The following SS18L1 variants were observed in gnomAD, a reference collection of about 807,000 sequenced individuals.
SS18L1 encodes SS18L1 subunit of BAF chromatin remodeling complex.
SS18L1 carries 32 observed loss-of-function variants against 70.3 expected under a neutral mutation model. The ratio of observed to expected loss-of-function variants is 0.46; its 90% CI spans 0.34 to 0.61. The LOEUF (loss-of-function observed/expected upper bound fraction) is 0.61, where lower values mean the gene tolerates loss of function less well. Among genes scored for constraint, SS18L1 ranks in the 20% least tolerant of loss-of-function variants. The probability of loss-of-function intolerance (pLI) is 0.01; values close to 1 mark genes in which losing one functional copy is unlikely to be tolerated. For missense variants in SS18L1, 430 were observed against 542.1 expected (o/e 0.79, Z 2.05); for synonymous variants, 237 against 229.7 (o/e 1.03, Z -0.29).
rs760702666 is a variant in SS18L1 at position 62,159,198 on chromosome 20, C to G, written c.146+450C>G. Among the ~76,000 whole-genome samples the G allele has an allele frequency of 6.6e-6, 1 of 152,190 alleles. No individual in the cohort carries two copies. The highest frequency in any genetic ancestry group is 1.5e-5 in the Non-Finnish European group (1 of 68,034). Reference sequence around the variant, plus strand: ...AGCTCTGTGGCCAACAGCCAGCGCACCAGGAGACAGCACCTACTCCAGGTG... The same window carrying G: ...AGCTCTGTGGCCAACAGCCAGCGCAGCAGGAGACAGCACCTACTCCAGGTG... On this transcript the variant is annotated intron_variant, in intron 2 of 10. Transcript: ENST00000331758. The surrounding 1 kb of genome is among the most constrained non-coding windows in gnomAD (Gnocchi z 4.4).
rs1011265049 is a variant in SS18L1 at position 62,180,969 on chromosome 20, A to G, written c.*1761A>G. 5 of 180,922 alleles carry G rather than the reference A, an allele frequency of 2.8e-5. No individual in the cohort carries two copies. In the East Asian group the frequency reaches 3.6e-4, roughly 13 times the overall value. 11.2% of individuals were successfully genotyped at this position (180,922 alleles called of 1,614,324 possible). A position where few individuals can be genotyped will look rare whatever the true frequency, so the allele number is the denominator to read the frequency against. On this transcript the variant is annotated 3_prime_UTR_variant, in exon 11 of 11. Coordinates refer to ENST00000331758, the MANE Select transcript of SS18L1 (RefSeq NM_198935.3). The stretch of plus-strand genomic sequence containing the variant: ...TCCAGAGTCGGGTGCTTTAGAATTT[A>G]TAAGTCACTTATGTGTTTTGCTTGA...
Position 62,158,140 on chromosome 20 carries a change from G to C in SS18L1, c.70-532G>C, listed in dbSNP as rs2057256634. The stretch of plus-strand genomic sequence containing the variant: ...GTGCCCACAGGGTCCTGACATCCTT[G>C]CCATCGGCTTGGCTGACCCTTGCTG... On this transcript the variant is annotated intron_variant, in intron 1 of 10. Transcript: ENST00000331758. The surrounding 1 kb of genome is among the most constrained non-coding windows in gnomAD (Gnocchi z 4.5). Among the ~76,000 whole-genome samples the C allele has an allele frequency of 6.6e-6, 1 of 152,142 alleles. No individual in the cohort carries two copies. Among genetic ancestry groups the C allele is most frequent in the South Asian group, 2.1e-4 (1 of 4,830 alleles).
chr20:62,151,839 C>T (rs112507891), intron 1 of SS18L1, among the ~76,000 whole-genome samples: 12 of 147,606 alleles, frequency 8.1e-5, no homozygotes, highest in East Asian at 6.1e-4. Flanking sequence ...TAGCTGGCCT[C>T]CCCCGTTCCC....
At chr20:62,153,304 T>A (rs772937878) in intron 1 of SS18L1, among the ~76,000 whole-genome samples, 3 of 152,084 alleles carry the variant, frequency 2.0e-5, no homozygotes, top group Non-Finnish European at 4.4e-5. Context: ...CAATTGAAGA[T>A]GAGATTTGGG....
rs189824913 is a variant in SS18L1 at position 62,168,644 on chromosome 20, C to A, written c.916+3130C>A. Among the ~76,000 whole-genome samples, 101 of 118,196 alleles carry A rather than the reference C, an allele frequency of 8.5e-4. 2 individuals carry two copies. The highest frequency in any genetic ancestry group is 1.5e-3 in the Non-Finnish European group (86 of 56,220). 77.5% of individuals were successfully genotyped at this position (118,196 alleles called of 152,430 possible). A position where few individuals can be genotyped will look rare whatever the true frequency, so the allele number is the denominator to read the frequency against. ...GACCAGCCTAGGCAACATAGTAAGA[C>A]CCCCTCTCTACTAAAAAACATTAGC... is the stretch of plus-strand genomic sequence containing the variant. On this transcript the variant is annotated intron_variant, in intron 8 of 10. Transcript: ENST00000331758.
At chr20:62,157,098 C>T (rs945070046) in intron 1 of SS18L1, among the ~76,000 whole-genome samples, 2 of 152,158 alleles carry the variant, frequency 1.3e-5, no homozygotes, top group African/African-American at 4.8e-5. Flanking sequence ...AGTGCTGCCC[C>T]CAGGTGGACA....
chr20:62,172,779 C>T lies in SS18L1; in HGVS notation c.1014C>T (p.Tyr338=). The part of the protein sequence containing the change: ...SQQQYPSQQS[Y]PGQQQGYGSA... ...AGCAGTACCCCAGCCAGCAGAGCTA[C>T]CCCGGGCAGCAGCAGGGCTACGGTA... The change falls in exon 9 of 11, where the codon TAC becomes TAT. Residue 338 remains tyrosine, a synonymous_variant. Coordinates refer to ENST00000331758, the MANE Select transcript of SS18L1 (RefSeq NM_198935.3). 1.2e-6 allele frequency: 2 copies of T among 1,613,936 alleles called. No individual in the cohort carries two copies. Among genetic ancestry groups the T allele is most frequent in the South Asian group, 1.1e-5 (1 of 91,082 alleles).
chr20:62,173,994 G>C (rs2057576164), intron 9 of SS18L1, among the ~76,000 whole-genome samples: 1 of 151,532 alleles, frequency 6.6e-6, no homozygotes, highest in Non-Finnish European at 1.5e-5. Context: ...AGCCTGGCTT[G>C]GGTGACAGAG....
At chr20:62,144,691 G>T (rs2056991645) in intron 1 of SS18L1, among the ~76,000 whole-genome samples, 1 of 152,250 alleles carries the variant, frequency 6.6e-6, no homozygotes, top group Admixed American at 6.5e-5. Flanking sequence ...GTGGGTTTGG[G>T]ACACCGTTAT....
chr20:62,179,730 G>GGGGGGGGGCCCCCC lies in SS18L1; in HGVS notation c.*522_*523insGGGGGGGGCCCCCC. 1 of 96,706 alleles carries GGGGGGGGGCCCCCC rather than the reference G, an allele frequency of 1.0e-5. No homozygotes were observed. Among genetic ancestry groups the GGGGGGGGGCCCCCC allele is most frequent in the Non-Finnish European group, 2.0e-5 (1 of 48,816 alleles). 6.0% of individuals were successfully genotyped at this position (96,706 alleles called of 1,614,324 possible). A position where few individuals can be genotyped will look rare whatever the true frequency, so the allele number is the denominator to read the frequency against. On this transcript the variant is annotated 3_prime_UTR_variant, in exon 11 of 11. Transcript: ENST00000331758. ...GTGCCTCGATGGGGTGGGTGGGAGG[G>GGGGGGGGGCCCCCC]CATCTTCTGTGCGTTGGGTCAGTTT...
At chr20:62,165,006 A>C (rs2057401389) in intron 7 of SS18L1, among the ~76,000 whole-genome samples, 1 of 152,224 alleles carries the variant, frequency 6.6e-6, no homozygotes, top group African/African-American at 2.4e-5. Flanking sequence ...GTGCACAGAC[A>C]GGTGGGCAGG....
In SS18L1 at chr20:62,159,866, C is replaced by G. The variant is rs1003206950; in HGVS notation, c.147-11C>G. The G allele has an allele frequency of 1.2e-6, 2 of 1,611,664 alleles. No homozygotes were observed. The highest frequency in any genetic ancestry group is 1.7e-5 in the Admixed American group (1 of 59,922). Reference sequence around the variant, plus strand: ...CGTCGTCCTGCCTCATGCGTGCCCCCTCTCCTGCAGGTACCAGCAGATCCT... The same window carrying G: ...CGTCGTCCTGCCTCATGCGTGCCCCGTCTCCTGCAGGTACCAGCAGATCCT... On this transcript the variant is annotated splice_polypyrimidine_tract_variant and intron_variant, in intron 2 of 10. Transcript: ENST00000331758. This position sits in a 1 kb window ranked among gnomAD's most constrained non-coding sequence, Gnocchi z 4.4.
At chr20:62,172,592 TC>T in intron 8 of SS18L1, 89 bp from the exon 9 acceptor site, 1 of 1,593,414 alleles carries the variant, frequency 6.3e-7, no homozygotes, top group Non-Finnish European at 8.6e-7. Flanking sequence ...GTTTTGGGAT[TC>T]CAAAGTTACC....
Position 62,161,036 on chromosome 20 carries a change from G to C in SS18L1, c.232-400G>C, listed in dbSNP as rs548869527. ...GAAACAGGAGAGGGATCCCACCTCT[G>C]CCGAAGCTCTTGGCACGGAGGGGTC... is the stretch of plus-strand genomic sequence containing the variant. On this transcript the variant is annotated intron_variant, in intron 3 of 10. Coordinates refer to ENST00000331758, the MANE Select transcript of SS18L1 (RefSeq NM_198935.3). The surrounding 1 kb of genome is among the most constrained non-coding windows in gnomAD (Gnocchi z 4.4). Among the ~76,000 whole-genome samples the C allele has an allele frequency of 6.6e-6, 1 of 151,994 alleles. No homozygotes were observed. The highest frequency in any genetic ancestry group is 1.9e-4 in the East Asian group (1 of 5,154).
rs1259119480 is a variant in SS18L1, at chr20:62,161,218, T to C, written c.232-218T>C. Among the ~76,000 whole-genome samples, 1 of 150,376 alleles carries C rather than the reference T, an allele frequency of 6.6e-6. No individual in the cohort carries two copies. The highest frequency in any genetic ancestry group is 2.4e-5 in the African/African-American group (1 of 40,848). ...GGATGAACTTGATACTCAGTAGGGT[T>C]GTGAACGCTCACCCAGATGCTCACT... On this transcript the variant is annotated intron_variant, in intron 3 of 10. Coordinates refer to ENST00000331758, the MANE Select transcript of SS18L1 (RefSeq NM_198935.3). This position sits in a 1 kb window ranked among gnomAD's most constrained non-coding sequence, Gnocchi z 4.4.
Position 62,180,833 on chromosome 20 carries a change from T to G in SS18L1, c.*1625T>G, listed in dbSNP as rs6142720. 12,169 of 167,310 alleles carry G rather than the reference T, an allele frequency of 0.073. 552 individuals are homozygous for G. The highest frequency in any genetic ancestry group is 0.2 in the South Asian group (989 of 4,954). 10.4% of individuals were successfully genotyped at this position (167,310 alleles called of 1,614,324 possible). A position where few individuals can be genotyped will look rare whatever the true frequency, so the allele number is the denominator to read the frequency against. On this transcript the variant is annotated 3_prime_UTR_variant, in exon 11 of 11. Coordinates refer to ENST00000331758, the MANE Select transcript of SS18L1 (RefSeq NM_198935.3). Reference sequence around the variant, plus strand: ...TGGCTTGAACCCAGGAGACAGAGGTTGTGGTGGGGCAAGATCGCACCATTG... The same window carrying G: ...TGGCTTGAACCCAGGAGACAGAGGTGGTGGTGGGGCAAGATCGCACCATTG...
At chr20:62,177,725 T>G (rs920835708) in intron 10 of SS18L1, among the ~76,000 whole-genome samples, 1 of 152,180 alleles carries the variant, frequency 6.6e-6, no homozygotes, top group Non-Finnish European at 1.5e-5. Context: ...TCATGTTGTT[T>G]TTTGTTGTTG....
In SS18L1 at chr20:62,159,976, G is replaced by A; in HGVS notation, c.231+15G>A. ...TGCTTCCTGCCGTGAGTACCCACGGGGGGTTGGCCTCCTTTACCCAGCAAG... is the reference window on the plus strand; with the variant it reads ...TGCTTCCTGCCGTGAGTACCCACGGAGGGTTGGCCTCCTTTACCCAGCAAG... On this transcript the variant is annotated intron_variant, in intron 3 of 10. Transcript: ENST00000331758. The surrounding 1 kb of genome is among the most constrained non-coding windows in gnomAD (Gnocchi z 4.4). 4 of 1,607,300 alleles carry A rather than the reference G, an allele frequency of 2.5e-6. No individual in the cohort carries two copies. Among genetic ancestry groups the A allele is most frequent in the Non-Finnish European group, 3.4e-6 (4 of 1,177,974 alleles).
At chr20:62,166,960 CCAGGCATGGT>C (rs1251997844) in intron 8 of SS18L1, among the ~76,000 whole-genome samples, 1 of 151,234 alleles carries the variant, frequency 6.6e-6, no homozygotes, top group African/African-American at 2.4e-5. Flanking sequence ...AAAGAAATGG[CCAGGCATGGT>C]GGCTTACGCC....
Sources: allele counts gnomAD v4.1 joint callset (sites outside exome capture counted in the v4.1 genomes callset), GRCh38; gene constraint gnomAD v4.1.1; non-coding constraint Gnocchi (gnomAD v3.1); transcripts MANE v1.5; gene names NCBI Gene and HGNC (gene_info 2026-07-23, HGNC 2026-07-21).